LMBR1: variants seen among roughly 807,000 people sequenced by gnomAD.
LMBR1 encodes the protein limb development membrane protein 1.
In LMBR1, 52 loss-of-function variants were observed where a neutral mutation model predicts 73.9. That is an observed-to-expected ratio of 0.70 (90% CI 0.56 to 0.89). The LOEUF is 0.89. Ranked by LOEUF, LMBR1 falls within the 40% of genes least tolerant of loss-of-function variation. LMBR1 has a pLI of 0.00. For missense variants in LMBR1, 539 were observed against 579.8 expected (o/e 0.93, Z 0.72); for synonymous variants, 215 against 209.4 (o/e 1.03, Z -0.23).
At chr7:156,742,923 G>C (rs1313757003) in intron 9 of LMBR1, among the ~76,000 whole-genome samples, 6 of 152,106 alleles carry the variant, frequency 3.9e-5, no homozygotes, top group Non-Finnish European at 7.4e-5. Context: ...ATTTATCCGA[G>C]ATGCAAGGGT....
At chr7:156,852,147 G>A (rs1380947420) in intron 1 of LMBR1, among the ~76,000 whole-genome samples, 1 of 152,128 alleles carries the variant, frequency 6.6e-6, no homozygotes, top group Non-Finnish European at 1.5e-5. Context: ...GGTCTCAAAA[G>A]GGTAACCAAG....
intron 1 of LMBR1, among the ~76,000 whole-genome samples, chr7:156,874,177 A>T (rs983165844): frequency 6.6e-6 from 1 of 152,234 alleles, no homozygotes; most frequent in Non-Finnish European, 1.5e-5. Flanking sequence ...CCGGACAAGA[A>T]ATTGAGCACA....
intron 5 of LMBR1, among the ~76,000 whole-genome samples, chr7:156,782,657 G>A (rs141536720): frequency 0.024 from 3,614 of 152,182 alleles, 147 homozygotes; most frequent in African/African-American, 0.082. Context: ...CGATTCTCCC[G>A]CCTCAGCTAC....
chr7:156,885,457 T>C (rs1412234473), intron 1 of LMBR1, among the ~76,000 whole-genome samples: 3 of 151,370 alleles, frequency 2.0e-5, no homozygotes, highest in Admixed American at 6.6e-5. Flanking sequence ...AGAATTTAGA[T>C]TGCGCAGCCA....
intron 5 of LMBR1, among the ~76,000 whole-genome samples, chr7:156,766,684 T>C (rs1824142800): frequency 6.6e-6 from 1 of 152,116 alleles, no homozygotes; most frequent in African/African-American, 2.4e-5. Context: ...GCAGTGAGTG[T>C]GCTCACCCAA....
At chr7:156,734,308 A>G (rs1248938373) in intron 9 of LMBR1, 51 bp from the exon 10 acceptor site, 1 of 1,133,154 alleles carries the variant, frequency 8.8e-7, no homozygotes, top group Non-Finnish European at 1.3e-6. Context: ...CTAACACTAT[A>G]GAACAGGTAG....
intron 5 of LMBR1, among the ~76,000 whole-genome samples, chr7:156,770,770 T>C (rs937487820): frequency 1.3e-5 from 2 of 151,876 alleles, no homozygotes; most frequent in African/African-American, 2.4e-5. Context: ...TAAAATGAGA[T>C]GGGCATGGAA....
intron 9 of LMBR1, among the ~76,000 whole-genome samples, chr7:156,750,474 C>T (rs891847751): frequency 6.6e-6 from 1 of 152,082 alleles, no homozygotes; most frequent in Admixed American, 6.5e-5. Context: ...TGCCTTATTT[C>T]GGCCTCTTCA....
intron 15 of LMBR1, among the ~76,000 whole-genome samples, chr7:156,719,985 C>G: frequency 6.6e-6 from 1 of 150,922 alleles, no homozygotes. Flanking sequence ...AACGTTAGAC[C>G]TAAAACCATA....
intron 15 of LMBR1, among the ~76,000 whole-genome samples, chr7:156,710,184 C>T (rs1051122089): frequency 6.6e-6 from 1 of 152,186 alleles, no homozygotes; most frequent in African/African-American, 2.4e-5. Flanking sequence ...GGATTACAGG[C>T]ATGAGCCACC....
Position 156,872,018 on chromosome 7 carries a change from T to C in LMBR1, c.66+20910A>G, listed in dbSNP as rs551135489. 5 of 152,278 alleles carry C rather than the reference T, an allele frequency of 3.3e-5. No homozygotes were observed. The South Asian group carries it at 1.0e-3, about 32-fold the overall frequency. 9.4% of individuals were successfully genotyped at this position (152,278 alleles called of 1,614,324 possible). A position where few individuals can be genotyped will look rare whatever the true frequency, so the allele number is the denominator to read the frequency against. ...TAAAACTGTCCATTTGCATAAGACA[T>C]AATCTTAGATATAAAAAACCATTTA... is the stretch of plus-strand genomic sequence containing the variant. On this transcript the variant is annotated intron_variant, in intron 1 of 16. Coordinates refer to ENST00000353442, the MANE Select transcript of LMBR1 (RefSeq NM_022458.4).
Position 156,680,403 on chromosome 7 carries a change from A to AGAGAGTGTGTGT in LMBR1, c.*3674_*3675insACACACACTCTC, listed in dbSNP as rs1343950098. 2 of 125,068 alleles carry AGAGAGTGTGTGT rather than the reference A, an allele frequency of 1.6e-5. No homozygotes were observed. The highest frequency in any genetic ancestry group is 8.2e-5 in the Admixed American group (1 of 12,124). 7.7% of individuals were successfully genotyped at this position (125,068 alleles called of 1,614,324 possible). ...GAGAGAGAGAGAGAGAGAGAGAGAG[A>AGAGAGTGTGTGT]GTGTGTGTGTGTGTGTGTGTGTAAT... On this transcript the variant is annotated 3_prime_UTR_variant, in exon 17 of 17. Transcript: ENST00000353442.
In LMBR1 at chr7:156,739,885, C is replaced by G. The variant is rs192204206; in HGVS notation, c.758-5628G>C. Among the ~76,000 whole-genome samples the G allele has an allele frequency of 2.3e-3, 353 of 152,170 alleles. 4 individuals carry two copies. The highest frequency in any genetic ancestry group is 8.2e-3 in the African/African-American group (340 of 41,516). On this transcript the variant is annotated intron_variant, in intron 9 of 16. Transcript: ENST00000353442. ...TCAAGACCATCCAGGAAAACATGACCTCACCAAACAAACTAAATGAGGCAC... is the reference window on the plus strand; with the variant it reads ...TCAAGACCATCCAGGAAAACATGACGTCACCAAACAAACTAAATGAGGCAC...
At chr7:156,889,031 G>A (rs907592574) in intron 1 of LMBR1, among the ~76,000 whole-genome samples, 1 of 151,768 alleles carries the variant, frequency 6.6e-6, no homozygotes, top group African/African-American at 2.4e-5. Context: ...TCTAGCCTGG[G>A]CAACAGAGAA....
At chr7:156,739,351 C>T (rs959868078) in intron 9 of LMBR1, among the ~76,000 whole-genome samples, 5 of 152,326 alleles carry the variant, frequency 3.3e-5, no homozygotes, top group Admixed American at 2.0e-4. Context: ...TCTGGACCTG[C>T]CCTGGGTCTG....
Position 156,746,281 on chromosome 7 carries a change from C to A in LMBR1, c.757+10112G>T, listed in dbSNP as rs183801291. 9.9e-5 allele frequency among the ~76,000 whole-genome samples: 15 copies of A among 152,140 alleles called. No individual in the cohort carries two copies. The East Asian group carries it at 2.7e-3, about 27-fold the overall frequency. On this transcript the variant is annotated intron_variant, in intron 9 of 16. Coordinates refer to ENST00000353442, the MANE Select transcript of LMBR1 (RefSeq NM_022458.4). ...AAACTACATTCATTCCCCATTCATG[C>A]AAAGATTTATTATTCTGGTAACCAG...
intron 8 of LMBR1, among the ~76,000 whole-genome samples, chr7:156,760,868 CATAACT>C: frequency 1.3e-5 from 2 of 152,266 alleles, no homozygotes; most frequent in Middle Eastern, 3.4e-3. Context: ...AAGACAAACA[CATAACT>C]ATAACGATTT....
chr7:156,735,421 T>C (rs1276608673), intron 9 of LMBR1, among the ~76,000 whole-genome samples: 2 of 152,032 alleles, frequency 1.3e-5, no homozygotes, highest in African/African-American at 4.8e-5. Flanking sequence ...CCTATTCCTG[T>C]TTTCTGCTTG....
chr7:156,806,598 C>CTTTTTTTTTT (rs71189962), intron 4 of LMBR1, among the ~76,000 whole-genome samples: 10 of 44,674 alleles, frequency 2.2e-4, no homozygotes, highest in African/African-American at 9.1e-4. Context: ...TTTGTAGATG[C>CTTTTTTTTTT]TTTTTTTTTT....
Sources: gnomAD v4.1 joint callset for allele counts (sites outside exome capture counted in the v4.1 genomes callset) on GRCh38, gnomAD v4.1.1 for gene constraint, MANE v1.5 for transcripts, NCBI Gene and HGNC (gene_info 2026-07-23, HGNC 2026-07-21) for gene names.